VEPH1: variants seen among roughly 807,000 people sequenced by gnomAD.
VEPH1 encodes the protein ventricular zone expressed PH domain containing 1, also known as ventricular zone-expressed PH domain-containing protein homolog 1.
A neutral mutation model predicts 85.2 loss-of-function variants in VEPH1; 80 were observed. The ratio of observed to expected loss-of-function variants is 0.94; its 90% CI spans 0.78 to 1.13. The LOEUF (loss-of-function observed/expected upper bound fraction) is 1.13, where lower values mean the gene tolerates loss of function less well. Ranked by LOEUF, VEPH1 falls within the 50% of genes most tolerant of loss-of-function variation. The pLI is 0.00. For missense variants in VEPH1, 955 were observed against 980.5 expected, an observed-to-expected ratio of 0.97 and a Z score of 0.35; for synonymous variants, 297 against 348.0, an observed-to-expected ratio of 0.85 and a Z score of 1.63.
chr3:157,436,879 T>A (rs1733620906), intron 4 of VEPH1: 1 of 1,588,506 alleles, frequency 6.3e-7, no homozygotes, highest in Admixed American at 1.8e-5. Context: ...CAAACTCAGC[T>A]CACTTGAGAG....
intron 9 of VEPH1, among the ~76,000 whole-genome samples, chr3:157,333,689 G>A (rs951346394): frequency 1.3e-5 from 2 of 152,154 alleles, no homozygotes; most frequent in Non-Finnish European, 2.9e-5. Context: ...GTTGTACAGA[G>A]GCAAATAAGG....
At chr3:157,269,642 G>GTTTTTTTTTTTTT (rs11408861) in intron 12 of VEPH1, among the ~76,000 whole-genome samples, 57 of 115,452 alleles carry the variant, frequency 4.9e-4, no homozygotes, top group Non-Finnish European at 6.5e-4. Flanking sequence ...TGTTTTTGTT[G>GTTTTTTTTTTTTT]TTTTTTTTTT....
intron 12 of VEPH1, among the ~76,000 whole-genome samples, chr3:157,281,587 G>C (rs1299397541): frequency 6.6e-6 from 1 of 151,872 alleles, no homozygotes; most frequent in Non-Finnish European, 1.5e-5. Flanking sequence ...CACCCGGCTG[G>C]AGTGCAGTGG....
At chr3:157,306,060 C>G (rs1351944281) in intron 11 of VEPH1, among the ~76,000 whole-genome samples, 1 of 152,094 alleles carries the variant, frequency 6.6e-6, no homozygotes, top group Non-Finnish European at 1.5e-5. Context: ...ACATTAGTTA[C>G]AGGTTAAATT....
intron 4 of VEPH1, chr3:157,437,868 C>G: frequency 6.7e-7 from 1 of 1,503,438 alleles, no homozygotes; most frequent in South Asian, 1.2e-5. Context: ...CGCGAGCCGA[C>G]CTGCACGCGG....
At chr3:157,438,037 G>GCGCGCGCA (rs1553786688) in intron 4 of VEPH1, 1 of 451,414 alleles carries the variant, frequency 2.2e-6, no homozygotes, top group South Asian at 2.7e-5. Context: ...GCGCGCGCGC[G>GCGCGCGCA]CACACACACA....
At position 157,260,920 on chromosome 3, in the gene VEPH1, C is replaced by A; in HGVS notation, c.*214G>T. 1.7e-6 allele frequency: 1 copy of A among 584,452 alleles called. No individual in the cohort carries two copies. 36.2% of individuals were successfully genotyped at this position (584,452 alleles called of 1,614,324 possible). On this transcript the variant is annotated 3_prime_UTR_variant, in exon 14 of 14. Coordinates refer to ENST00000362010, the MANE Select transcript of VEPH1 (RefSeq NM_001167912.2). ...TTTTATTTTATTTTATTTTTGTGGG[C>A]ATCAGATATATTCTGAAGTCAATAC... is the stretch of plus-strand genomic sequence containing the variant.
chr3:157,378,348 A>G (rs1014575327), intron 7 of VEPH1, among the ~76,000 whole-genome samples: 2 of 103,140 alleles, frequency 1.9e-5, no homozygotes, highest in Admixed American at 2.1e-4. Flanking sequence ...ATATATATAT[A>G]TATATATATA....
chr3:157,331,875 C>G (rs1221974652), intron 9 of VEPH1, among the ~76,000 whole-genome samples: 1 of 152,180 alleles, frequency 6.6e-6, no homozygotes, highest in Non-Finnish European at 1.5e-5. Context: ...CAGCTCAGCC[C>G]ACAGTACAGG....
At chr3:157,408,567 G>A (rs1731306239) in intron 6 of VEPH1, among the ~76,000 whole-genome samples, 1 of 152,128 alleles carries the variant, frequency 6.6e-6, no homozygotes, top group Non-Finnish European at 1.5e-5. Context: ...GAGAGGTATA[G>A]GGAGGAGAAA....
intron 3 of VEPH1, among the ~76,000 whole-genome samples, chr3:157,467,020 T>C (rs1054326108): frequency 6.6e-6 from 1 of 152,084 alleles, no homozygotes; most frequent in Non-Finnish European, 1.5e-5. Flanking sequence ...AAAAGAAGTA[T>C]AATTACCAAC....
intron 11 of VEPH1, among the ~76,000 whole-genome samples, chr3:157,302,139 A>G (rs904247180): frequency 2.4e-4 from 36 of 152,232 alleles, no homozygotes; most frequent in African/African-American, 7.7e-4. Flanking sequence ...TTAGTTTGTT[A>G]TGTCACTTTT....
intron 2 of VEPH1, among the ~76,000 whole-genome samples, chr3:157,483,587 G>T (rs539061161): frequency 6.6e-6 from 1 of 151,906 alleles, no homozygotes; most frequent in African/African-American, 2.4e-5. Context: ...TTTTAAAAAA[G>T]AAATCTCTAG....
Position 157,495,452 on chromosome 3 carries a change from CT to C in VEPH1, c.-104del. 6.6e-7 allele frequency: 1 copy of C among 1,522,206 alleles called. No individual in the cohort carries two copies. Among genetic ancestry groups the C allele is most frequent in the South Asian group, 1.3e-5 (1 of 74,608 alleles). 94.3% of individuals were successfully genotyped at this position (1,522,206 alleles called of 1,614,324 possible). A position where few individuals can be genotyped will look rare whatever the true frequency, so the allele number is the denominator to read the frequency against. The stretch of plus-strand genomic sequence containing the variant: ...AAAACATGTAGAAGGAGGTATACTT[CT>C]TATTCCATGAAAGGTCATTTTTCTC... On this transcript the variant is annotated 5_prime_UTR_variant, in exon 2 of 14. An upstream open reading frame in the 5' UTR loses its in-frame stop. Coordinates refer to ENST00000362010, the MANE Select transcript of VEPH1 (RefSeq NM_001167912.2).
intron 5 of VEPH1, among the ~76,000 whole-genome samples, chr3:157,428,069 G>A (rs1732880095): frequency 6.6e-6 from 1 of 152,168 alleles, no homozygotes; most frequent in South Asian, 2.1e-4. Context: ...CAGGCTTTCA[G>A]ACTTGAATTG....
chr3:157,390,039 A>T (rs1383128023), intron 6 of VEPH1, among the ~76,000 whole-genome samples: 4 of 152,150 alleles, frequency 2.6e-5, no homozygotes, highest in African/African-American at 9.7e-5. Flanking sequence ...TCTTCTCTCC[A>T]TTACATATTG....
At chr3:157,470,807 G>A (rs777957065) in intron 2 of VEPH1, among the ~76,000 whole-genome samples, 2 of 152,146 alleles carry the variant, frequency 1.3e-5, no homozygotes, top group Non-Finnish European at 2.9e-5. Flanking sequence ...ACTTGCAAGT[G>A]GGTTTAATCT....
At chr3:157,302,553 C>T (rs900397944) in intron 11 of VEPH1, among the ~76,000 whole-genome samples, 1 of 152,230 alleles carries the variant, frequency 6.6e-6, no homozygotes, top group African/African-American at 2.4e-5. Flanking sequence ...TGGGTGACAT[C>T]TGTAAGCCAG....
intron 5 of VEPH1, among the ~76,000 whole-genome samples, chr3:157,420,514 T>C (rs1435036606): frequency 6.6e-6 from 1 of 152,236 alleles, no homozygotes; most frequent in East Asian, 1.9e-4. Flanking sequence ...CATTTTTATT[T>C]ACTAATTCCT....
Sources: allele counts gnomAD v4.1 joint callset (sites outside exome capture counted in the v4.1 genomes callset), GRCh38; gene constraint gnomAD v4.1.1; transcripts MANE v1.5; gene names NCBI Gene and HGNC (gene_info 2026-07-23, HGNC 2026-07-21).